ST8SIA2: variants seen among roughly 807,000 people sequenced by gnomAD.
ST8SIA2 encodes the protein alpha-2,8-sialyltransferase 8B.
ST8SIA2 carries 22 observed loss-of-function variants against 37.6 expected under a neutral mutation model. The observed-to-expected ratio is 0.58, with a 90% confidence interval of 0.42 to 0.83. ST8SIA2 has a LOEUF of 0.83. Among genes scored for constraint, ST8SIA2 ranks in the 40% least tolerant of loss-of-function variants. The probability of loss-of-function intolerance (pLI) is 0.00; values close to 1 mark genes in which losing one functional copy is unlikely to be tolerated. For synonymous variants in ST8SIA2, 205 were observed against 201.2 expected (o/e 1.02, Z -0.16); for missense variants, 382 against 484.7 (o/e 0.79, Z 1.99).
rs1051449183 is a variant in ST8SIA2, at chr15:92,465,298, T to G, written c.*913T>G. On this transcript the variant is annotated 3_prime_UTR_variant, in exon 6 of 6. Transcript: ENST00000268164. ...GACCCTGGGATTTCACCCTCTGGGT[T>G]AGTCTCTGTCTCACCCTGTTAGAAT... 1.3e-5 allele frequency: 2 copies of G among 152,312 alleles called. No individual in the cohort carries two copies. Among genetic ancestry groups the G allele is most frequent in the African/African-American group, 4.8e-5 (2 of 41,570 alleles). 9.4% of individuals were successfully genotyped at this position (152,312 alleles called of 1,614,324 possible). A position where few individuals can be genotyped will look rare whatever the true frequency, so the allele number is the denominator to read the frequency against.
At chr15:92,454,333 C>G (rs1370949681) in intron 5 of ST8SIA2, among the ~76,000 whole-genome samples, 1 of 152,072 alleles carries the variant, frequency 6.6e-6, no homozygotes, top group Non-Finnish European at 1.5e-5. Context: ...TTTGCAAGGA[C>G]ATCAGTCATA....
intron 1 of ST8SIA2, among the ~76,000 whole-genome samples, chr15:92,414,002 G>C (rs1368291946): frequency 6.6e-6 from 1 of 152,210 alleles, no homozygotes; most frequent in East Asian, 1.9e-4. Flanking sequence ...CCCAAAGTGG[G>C]AGTCTGTGCT....
chr15:92,445,126 A>G (rs961285387), intron 5 of ST8SIA2, 197 bp downstream of exon 5: 18 of 768,432 alleles, frequency 2.3e-5, no homozygotes, highest in Non-Finnish European at 3.4e-5. Context: ...TTCATCTGGC[A>G]TGCCAATTTT....
intron 1 of ST8SIA2, among the ~76,000 whole-genome samples, chr15:92,413,149 C>A (rs2049561844): frequency 6.6e-6 from 1 of 152,184 alleles, no homozygotes; most frequent in Non-Finnish European, 1.5e-5. Flanking sequence ...AACCCTAGAG[C>A]CCTGCTCAGT....
At chr15:92,425,922 C>G (rs895906010) in intron 1 of ST8SIA2, among the ~76,000 whole-genome samples, 3 of 151,148 alleles carry the variant, frequency 2.0e-5, no homozygotes, top group African/African-American at 7.3e-5. Context: ...GAGTCGTTTG[C>G]TGTCTCTAGA....
At chr15:92,406,587 C>T (rs2049509586) in intron 1 of ST8SIA2, among the ~76,000 whole-genome samples, 1 of 152,230 alleles carries the variant, frequency 6.6e-6, no homozygotes, top group Non-Finnish European at 1.5e-5. Flanking sequence ...CTACAGAGCG[C>T]CTGCCCTAAG....
intron 1 of ST8SIA2, among the ~76,000 whole-genome samples, chr15:92,415,590 A>G (rs1194821041): frequency 6.6e-6 from 1 of 151,584 alleles, no homozygotes; most frequent in Non-Finnish European, 1.5e-5. Context: ...CAACAAGAGG[A>G]CACAGATACT....
At chr15:92,446,651 A>G (rs1461221226) in intron 5 of ST8SIA2, among the ~76,000 whole-genome samples, 2 of 152,234 alleles carry the variant, frequency 1.3e-5, no homozygotes, top group East Asian at 3.8e-4. Flanking sequence ...AAGATAAATT[A>G]CAGGTAAACA....
chr15:92,395,086 C>G lies in ST8SIA2; in HGVS notation c.98+924C>G, dbSNP rs373352748. Among the ~76,000 whole-genome samples, 416 of 152,196 alleles carry G rather than the reference C, an allele frequency of 2.7e-3. 5 individuals carry two copies. The highest frequency in any genetic ancestry group is 0.01 in the Middle Eastern group (3 of 294). ...GACTCGCGCCCCGCCCCGCAGCCTTCGGCTCGCCGGGCCGGGCCCCTCTCC... is the reference window on the plus strand; with the variant it reads ...GACTCGCGCCCCGCCCCGCAGCCTTGGGCTCGCCGGGCCGGGCCCCTCTCC... On this transcript the variant is annotated intron_variant, in intron 1 of 5. Transcript: ENST00000268164.
At chr15:92,452,295 G>A (rs1456887721) in intron 5 of ST8SIA2, among the ~76,000 whole-genome samples, 1 of 152,136 alleles carries the variant, frequency 6.6e-6, no homozygotes, top group African/African-American at 2.4e-5. Flanking sequence ...TAGGAGTGGG[G>A]CCCACCAATC....
chr15:92,453,844 C>T (rs138870369), intron 5 of ST8SIA2, among the ~76,000 whole-genome samples: 25 of 152,330 alleles, frequency 1.6e-4, no homozygotes, highest in Admixed American at 8.5e-4. Flanking sequence ...GGCTCCTGCC[C>T]TCCATTGGCT....
chr15:92,446,479 A>T (rs1225359859), intron 5 of ST8SIA2, among the ~76,000 whole-genome samples: 1 of 152,208 alleles, frequency 6.6e-6, no homozygotes, highest in Non-Finnish European at 1.5e-5. Context: ...CTCAATGGGA[A>T]AGTGCCAATT....
chr15:92,440,263 A>G (rs957265661), intron 4 of ST8SIA2, among the ~76,000 whole-genome samples: 5 of 152,138 alleles, frequency 3.3e-5, no homozygotes, highest in Admixed American at 6.5e-5. Context: ...AGGTTCTTTC[A>G]TTATGAATAC....
intron 5 of ST8SIA2, among the ~76,000 whole-genome samples, chr15:92,452,604 G>A (rs751821558): frequency 6.6e-6 from 1 of 152,192 alleles, no homozygotes; most frequent in African/African-American, 2.4e-5. Context: ...GCTTAAAGAT[G>A]GAGAAGTAGA....
At chr15:92,438,707 C>A in intron 4 of ST8SIA2, 97 bp downstream of exon 4, 2 of 1,444,990 alleles carry the variant, frequency 1.4e-6, no homozygotes, top group South Asian at 2.9e-5. Context: ...AAACAAGAGG[C>A]CCTGGTGGAG....
intron 4 of ST8SIA2, among the ~76,000 whole-genome samples, chr15:92,443,898 A>G (rs3784730): frequency 0.44 from 66,716 of 151,856 alleles, 14,869 homozygotes; most frequent in South Asian, 0.53. Flanking sequence ...GAACCCGGGA[A>G]TCTATATTTT....
At chr15:92,449,773 T>C (rs1008289283) in intron 5 of ST8SIA2, among the ~76,000 whole-genome samples, 3 of 152,220 alleles carry the variant, frequency 2.0e-5, no homozygotes, top group African/African-American at 7.2e-5. Context: ...CATTTTTTCA[T>C]GTATTTGTTG....
At chr15:92,452,638 G>C (rs1189301498) in intron 5 of ST8SIA2, among the ~76,000 whole-genome samples, 1 of 152,228 alleles carries the variant, frequency 6.6e-6, no homozygotes, top group Non-Finnish European at 1.5e-5. Context: ...TGGGCACACT[G>C]TTCTGATGTT....
chr15:92,459,180 C>T (rs1199805241), intron 5 of ST8SIA2, among the ~76,000 whole-genome samples: 1 of 152,210 alleles, frequency 6.6e-6, no homozygotes. Context: ...TTCTGAAAGC[C>T]TTCCCCTACT....
Sources: gnomAD v4.1 joint callset for allele counts (sites outside exome capture counted in the v4.1 genomes callset) on GRCh38, gnomAD v4.1.1 for gene constraint, MANE v1.5 for transcripts, NCBI Gene and HGNC (gene_info 2026-07-23, HGNC 2026-07-21) for gene names.